Variants in MTHFD1L observed in about 807,000 individuals in gnomAD.
MTHFD1L encodes the protein monofunctional C1-tetrahydrofolate synthase, mitochondrial.
MTHFD1L carries 81 observed loss-of-function variants against 119.5 expected under a neutral mutation model. The ratio of observed to expected loss-of-function variants is 0.68; its 90% CI spans 0.57 to 0.82. MTHFD1L has a LOEUF of 0.82. Ranked by LOEUF, MTHFD1L falls within the 40% of genes least tolerant of loss-of-function variation. The pLI, the probability that MTHFD1L is intolerant of heterozygous loss-of-function variation, is 0.00. For missense variants in MTHFD1L, 1,125 were observed against 1,253.4 expected (o/e 0.90, Z 1.55); for synonymous variants, 430 against 475.2 (o/e 0.90, Z 1.24).
intron 16 of MTHFD1L, among the ~76,000 whole-genome samples, chr6:150,955,518 T>TTTTTC (rs1562448984): frequency 8.5e-6 from 1 of 117,456 alleles, no homozygotes; most frequent in Non-Finnish European, 1.8e-5. Context: ...TTTTTTTTTT[T>TTTTTC]AGAGGGGGTC....
At chr6:151,064,147 C>T (rs939616011) in intron 26 of MTHFD1L, among the ~76,000 whole-genome samples, 12 of 152,086 alleles carry the variant, frequency 7.9e-5, no homozygotes, top group Admixed American at 2.0e-4. Flanking sequence ...AAATGAAAAT[C>T]GGCCAATACT....
intron 11 of MTHFD1L, among the ~76,000 whole-genome samples, chr6:150,928,242 T>C (rs1359185912): frequency 6.6e-6 from 1 of 151,912 alleles, no homozygotes; most frequent in Admixed American, 6.6e-5. Flanking sequence ...GAGACCATCC[T>C]GGCTAACATG....
intron 4 of MTHFD1L, among the ~76,000 whole-genome samples, chr6:150,880,650 G>GT (rs796602631): frequency 5.9e-5 from 9 of 152,250 alleles, no homozygotes; most frequent in African/African-American, 2.2e-4. Flanking sequence ...TATGGTAGTT[G>GT]TTTTTTTAAT....
chr6:150,951,399 T>C (rs1378667665), intron 16 of MTHFD1L, among the ~76,000 whole-genome samples: 1 of 152,184 alleles, frequency 6.6e-6, no homozygotes. Context: ...TTTGGAAATG[T>C]CTCAAAAGAA....
chr6:150,881,427 G>A (rs1288378927), intron 4 of MTHFD1L, among the ~76,000 whole-genome samples: 5 of 152,084 alleles, frequency 3.3e-5, no homozygotes, highest in African/African-American at 1.2e-4. Context: ...TTTTCTTTGG[G>A]AAAATTCTCA....
chr6:150,888,876 A>G (rs961707978), intron 7 of MTHFD1L, among the ~76,000 whole-genome samples: 2 of 152,178 alleles, frequency 1.3e-5, no homozygotes, highest in Non-Finnish European at 2.9e-5. Context: ...TCAGTGGGGA[A>G]AAGATTAACT....
In MTHFD1L at chr6:151,067,028, C is replaced by T. The variant is rs1791375211; in HGVS notation, c.2848-25439C>T. On this transcript the variant is annotated intron_variant, in intron 26 of 27. Transcript: ENST00000367321. Reference sequence around the variant, plus strand: ...TTTTTTTTTGAGACAGAGTCTTGCTCTGTAGCCCAGGCTGGAGTGCAGTGT... The same window carrying T: ...TTTTTTTTTGAGACAGAGTCTTGCTTTGTAGCCCAGGCTGGAGTGCAGTGT... Among the ~76,000 whole-genome samples, 4 of 143,904 alleles carry T rather than the reference C, an allele frequency of 2.8e-5. No individual in the cohort carries two copies. In the South Asian group the frequency reaches 8.7e-4, roughly 31 times the overall value. 94.4% of individuals were successfully genotyped at this position (143,904 alleles called of 152,430 possible).
At position 151,072,822 on chromosome 6, in the gene MTHFD1L, G is replaced by A. The variant is rs1178653840; in HGVS notation, c.2848-19645G>A. Among the ~76,000 whole-genome samples, 3 of 150,098 alleles carry A rather than the reference G, an allele frequency of 2.0e-5. 1 individual carries two copies. The highest frequency in any genetic ancestry group is 7.4e-5 in the African/African-American group (3 of 40,708). ...TACTCTGTCTCAAAAAATAAAAAGA[G>A]TACACAATATTATCTCACCCATTGA... On this transcript the variant is annotated intron_variant, in intron 26 of 27. Transcript: ENST00000367321.
At chr6:150,957,822 T>C (rs1795857722) in intron 17 of MTHFD1L, among the ~76,000 whole-genome samples, 1 of 144,408 alleles carries the variant, frequency 6.9e-6, no homozygotes, top group African/African-American at 2.5e-5. Flanking sequence ...GCGTGTTTAC[T>C]TACATTATAG....
At chr6:150,977,901 C>A (rs142327743) in intron 20 of MTHFD1L, among the ~76,000 whole-genome samples, 9,201 of 134,500 alleles carry the variant, frequency 0.068, 971 homozygotes, top group African/African-American at 0.24. Flanking sequence ...TATATATACA[C>A]CTTTTTTTTT....
At chr6:151,011,878 G>C (rs1237700127) in intron 21 of MTHFD1L, among the ~76,000 whole-genome samples, 1 of 151,786 alleles carries the variant, frequency 6.6e-6, no homozygotes, top group Non-Finnish European at 1.5e-5. Flanking sequence ...GCGGGCGCCT[G>C]TAATTCCCAC....
chr6:150,906,842 G>A (rs932818292), intron 8 of MTHFD1L, among the ~76,000 whole-genome samples: 3 of 152,132 alleles, frequency 2.0e-5, no homozygotes, highest in Non-Finnish European at 2.9e-5. Context: ...AGAATTGACC[G>A]ATCAGATTAA....
At chr6:151,040,001 C>T (rs1344399240) in intron 26 of MTHFD1L, among the ~76,000 whole-genome samples, 1 of 152,102 alleles carries the variant, frequency 6.6e-6, no homozygotes, top group Admixed American at 6.6e-5. Flanking sequence ...CCACTTTACT[C>T]CTGAGCTTTA....
intron 16 of MTHFD1L, among the ~76,000 whole-genome samples, chr6:150,953,225 C>G (rs553687234): frequency 1.3e-5 from 2 of 152,216 alleles, no homozygotes; most frequent in Non-Finnish European, 2.9e-5. Flanking sequence ...TACTGCCAGG[C>G]TCTTGGCCAA....
intron 18 of MTHFD1L, among the ~76,000 whole-genome samples, chr6:150,963,946 T>C (rs1796826626): frequency 6.6e-6 from 1 of 152,178 alleles, no homozygotes; most frequent in Non-Finnish European, 1.5e-5. Flanking sequence ...GGCAGGCAGA[T>C]CATGAAGTCA....
At chr6:150,946,644 T>C (rs1744989321) in intron 15 of MTHFD1L, among the ~76,000 whole-genome samples, 1 of 152,176 alleles carries the variant, frequency 6.6e-6, no homozygotes, top group African/African-American at 2.4e-5. Context: ...TACTGGTTGG[T>C]ATTAAGTGGT....
chr6:151,081,150 A>G (rs1470021104), intron 26 of MTHFD1L, among the ~76,000 whole-genome samples: 1 of 152,240 alleles, frequency 6.6e-6, no homozygotes, highest in African/African-American at 2.4e-5. Context: ...CCTAAGAAAC[A>G]TTACAGAACA....
chr6:151,033,336 T>G lies in MTHFD1L; in HGVS notation c.2587-1157T>G, dbSNP rs929192185. ...GGTTTCACCATGTTGGCCACGCTGA[T>G]CTTGAACACCTGACCTCAAGTGATC... On this transcript the variant is annotated intron_variant, in intron 24 of 27. Coordinates refer to ENST00000367321, the MANE Select transcript of MTHFD1L (RefSeq NM_015440.5). Among the ~76,000 whole-genome samples the G allele has an allele frequency of 5.3e-5, 8 of 152,202 alleles. No individual in the cohort carries two copies. The East Asian group carries it at 1.5e-3, about 29-fold the overall frequency.
Position 150,936,395 on chromosome 6 carries a change from GC to G in MTHFD1L, c.1257-408del, listed in dbSNP as rs1280504182. On this transcript the variant is annotated intron_variant, in intron 11 of 27. Transcript: ENST00000367321. ...GCCCTACTCACCCAAGGACCGTTGA[GC>G]TAGGCCCTGTCCCCAAACCATAGGC... Among the ~76,000 whole-genome samples the G allele has an allele frequency of 5.3e-5, 8 of 152,264 alleles. No homozygotes were observed. The East Asian group carries it at 1.5e-3, about 29-fold the overall frequency.
Sources: allele counts gnomAD v4.1 joint callset (sites outside exome capture counted in the v4.1 genomes callset), GRCh38; gene constraint gnomAD v4.1.1; transcripts MANE v1.5; gene names NCBI Gene and HGNC (gene_info 2026-07-23, HGNC 2026-07-21).